Variants in DLEC1 observed in about 807,000 individuals in gnomAD.
DLEC1 encodes the protein deleted in lung and esophageal cancer protein 1.
Under a neutral mutation model 198.1 loss-of-function variants are expected in DLEC1, and 146 were observed. The ratio of observed to expected loss-of-function variants is 0.74; its 90% confidence interval spans 0.64 to 0.85. The LOEUF is 0.85. Ranked by LOEUF, DLEC1 falls within the 40% of genes least tolerant of loss-of-function variation. The probability of loss-of-function intolerance (pLI) is 0.00; values close to 1 mark genes in which losing one functional copy is unlikely to be tolerated. For synonymous variants in DLEC1, 897 were observed against 866.8 expected, an observed-to-expected ratio of 1.03 and a Z score of -0.61; for missense variants, 2,233 against 2,220.0, an observed-to-expected ratio of 1.01 and a Z score of -0.12.
At chr3:38,118,240 G>A (rs1700287596) in intron 33 of DLEC1, among the ~76,000 whole-genome samples, 1 of 152,144 alleles carries the variant, frequency 6.6e-6, no homozygotes, top group Non-Finnish European at 1.5e-5. Flanking sequence ...GGCCACACCA[G>A]ACGTTGTGTT....
Position 38,088,498 on chromosome 3 carries a change from A to G in DLEC1, c.1665+110A>G, listed in dbSNP as rs1157091017. Reference sequence around the variant, plus strand: ...CCCATCCCATATCACAGCCTTAGTGACTTCTGGGTAGACGCATATTCTTGC... The same window carrying G: ...CCCATCCCATATCACAGCCTTAGTGGCTTCTGGGTAGACGCATATTCTTGC... On this transcript the variant is annotated intron_variant, in intron 10 of 36. Transcript: ENST00000308059. The G allele has an allele frequency of 3.1e-6, 3 of 979,718 alleles. No individual in the cohort carries two copies. In the African/African-American group the frequency reaches 4.9e-5, roughly 16 times the overall value. 60.7% of individuals were successfully genotyped at this position (979,718 alleles called of 1,614,324 possible). A position where few individuals can be genotyped will look rare whatever the true frequency, so the allele number is the denominator to read the frequency against.
At chr3:38,054,521 G>A (rs1403900316) in intron 2 of DLEC1, among the ~76,000 whole-genome samples, 2 of 152,244 alleles carry the variant, frequency 1.3e-5, no homozygotes, top group East Asian at 3.8e-4. Flanking sequence ...AGGGGCCCAG[G>A]CAGATGCTAT....
At chr3:38,111,461 G>A (rs1471864917) in intron 23 of DLEC1, among the ~76,000 whole-genome samples, 3 of 152,158 alleles carry the variant, frequency 2.0e-5, no homozygotes, top group African/African-American at 7.2e-5. Context: ...CGGGTGGCCC[G>A]CAGCTGGGGA....
At chr3:38,106,887 C>T in intron 19 of DLEC1, among the ~76,000 whole-genome samples, 1 of 152,068 alleles carries the variant, frequency 6.6e-6, no homozygotes, top group Non-Finnish European at 1.5e-5. Context: ...ATACCTTCAG[C>T]CGTTCAGACA....
intron 19 of DLEC1, among the ~76,000 whole-genome samples, chr3:38,106,327 T>C (rs141865708): frequency 1.6e-4 from 25 of 152,336 alleles, no homozygotes; most frequent in Admixed American, 1.6e-3. Flanking sequence ...TACACAACTA[T>C]AGGGACTAGC....
chr3:38,101,776 T>C (rs1201704554), intron 19 of DLEC1, among the ~76,000 whole-genome samples: 4 of 152,094 alleles, frequency 2.6e-5, no homozygotes. Context: ...CAAATACAGG[T>C]CTAGGTATGA....
chr3:38,048,599 G>A (rs1437897979), intron 2 of DLEC1, among the ~76,000 whole-genome samples: 3 of 152,166 alleles, frequency 2.0e-5, no homozygotes, highest in African/African-American at 7.2e-5. Context: ...ATGATCAAAC[G>A]ACTTCCCTGA....
chr3:38,114,943 C>G (rs781113608), intron 26 of DLEC1, 40 bp from the exon 27 acceptor site: 1 of 1,589,698 alleles, frequency 6.3e-7, no homozygotes, highest in African/African-American at 1.3e-5. Context: ...AAGGTGTACG[C>G]TGGCTGTGGC....
chr3:38,093,143 C>A lies in DLEC1; in HGVS notation c.1756+263C>A, dbSNP rs570110563. 8.5e-5 allele frequency among the ~76,000 whole-genome samples: 13 copies of A among 152,256 alleles called. No homozygotes were observed. In the South Asian group the frequency reaches 2.7e-3, roughly 32 times the overall value. On this transcript the variant is annotated intron_variant, in intron 11 of 36. Coordinates refer to ENST00000308059, the MANE Select transcript of DLEC1 (RefSeq NM_007335.4). ...GACAGCTGGAAACCTGGGGTGAAAT[C>A]TTTCATTGTTTCATTTTGAAACTCA...
chr3:38,048,616 A>G (rs1036202513), intron 2 of DLEC1, among the ~76,000 whole-genome samples: 3 of 152,194 alleles, frequency 2.0e-5, no homozygotes, highest in African/African-American at 7.2e-5. Context: ...CTGAAGCCCC[A>G]CAGCTTGGAA....
intron 6 of DLEC1, among the ~76,000 whole-genome samples, chr3:38,075,347 A>G (rs1697552115): frequency 6.6e-6 from 1 of 152,098 alleles, no homozygotes; most frequent in African/African-American, 2.4e-5. Context: ...TGAAAGTGCC[A>G]TTTTCTGGCC....
In DLEC1 at chr3:38,117,178, A is replaced by T; in HGVS notation, c.4306-30A>T. Reference sequence around the variant, plus strand: ...AGCATGCTGCCTACTCAGCCCAGGGATCAGCTGTGATCAGACTTGGGCTCA... The same window carrying T: ...AGCATGCTGCCTACTCAGCCCAGGGTTCAGCTGTGATCAGACTTGGGCTCA... On this transcript the variant is annotated intron_variant, in intron 30 of 36. Coordinates refer to ENST00000308059, the MANE Select transcript of DLEC1 (RefSeq NM_007335.4). 1.2e-6 allele frequency: 2 copies of T among 1,614,076 alleles called. 1 individual carries two copies. Among genetic ancestry groups the T allele is most frequent in the South Asian group, 2.2e-5 (2 of 91,082 alleles).
chr3:38,086,547 C>T (rs1417497852), intron 9 of DLEC1, among the ~76,000 whole-genome samples, 170 bp downstream of exon 9: 8 of 152,162 alleles, frequency 5.3e-5, no homozygotes, highest in Non-Finnish European at 7.3e-5. Context: ...TATAAGGGTC[C>T]AGTGTTGTAG....
At chr3:38,045,429 T>C in intron 1 of DLEC1, 114 bp from the exon 2 acceptor site, 2 of 1,346,826 alleles carry the variant, frequency 1.5e-6, no homozygotes, top group Non-Finnish European at 2.0e-6. Context: ...GGAATAGTTC[T>C]CTGACTATTC....
chr3:38,085,985 A>G (rs1348836885), intron 8 of DLEC1, among the ~76,000 whole-genome samples: 1 of 152,180 alleles, frequency 6.6e-6, no homozygotes, highest in East Asian at 1.9e-4. Flanking sequence ...TGAATCCACA[A>G]TGGGCACTGA....
intron 6 of DLEC1, among the ~76,000 whole-genome samples, chr3:38,065,103 G>A (rs1216456300): frequency 3.3e-5 from 5 of 152,250 alleles, no homozygotes; most frequent in Non-Finnish European, 5.9e-5. Context: ...TCGGGAGGCT[G>A]AGGCTGGCAG....
At position 38,114,415 on chromosome 3, in the gene DLEC1, C is replaced by T; in HGVS notation, c.3740C>T (p.Thr1247Ile). 6.2e-7 allele frequency: 1 copy of T among 1,614,206 alleles called. No homozygotes were observed. The highest frequency in any genetic ancestry group is 1.1e-5 in the South Asian group (1 of 91,088). Residue 1247 changes from threonine (T) to isoleucine (I), a missense_variant, in exon 26 of 37, where the codon ACC becomes ATC. Thr to Ile is a moderately conservative substitution (Grantham distance 89). Transcript: ENST00000308059. ...GGCTGCCCCATCAGCTCCCTGAGGA[C>T]CACCTCCTACACTATTGACCAGGCC... Reference protein sequence around the residue: ...AVGCPISSLRTTSYTIDQAQK... With the variant: ...AVGCPISSLRITSYTIDQAQK...
chr3:38,052,853 T>A (rs1701193811), intron 2 of DLEC1, among the ~76,000 whole-genome samples: 1 of 152,032 alleles, frequency 6.6e-6, no homozygotes. Context: ...GAGGCTGGAC[T>A]GTACTGCCGC....
intron 2 of DLEC1, among the ~76,000 whole-genome samples, chr3:38,046,220 G>A (rs144924548): frequency 6.6e-6 from 1 of 152,326 alleles, no homozygotes; most frequent in Non-Finnish European, 1.5e-5. Flanking sequence ...GTGTGTGTGT[G>A]TAGGGTTGCA....
Sources: allele counts gnomAD v4.1 joint callset (sites outside exome capture counted in the v4.1 genomes callset), GRCh38; gene constraint gnomAD v4.1.1; transcripts MANE v1.5; gene names NCBI Gene and HGNC (gene_info 2026-07-23, HGNC 2026-07-21).